Variants in SEPTIN9 observed in about 807,000 individuals in gnomAD.
SEPTIN9 encodes septin 9.
Under a neutral mutation model 56.6 loss-of-function variants are expected in SEPTIN9, and 13 were observed. That is an observed-to-expected ratio of 0.23 (90% CI 0.15 to 0.37). The LOEUF is 0.37. SEPTIN9 is among the 10% of genes least tolerant of loss of function. The pLI is 1.00. For synonymous variants in SEPTIN9, 332 were observed against 334.1 expected, an observed-to-expected ratio of 0.99 and a Z score of 0.07; for missense variants, 650 against 823.1, an observed-to-expected ratio of 0.79 and a Z score of 2.57.
intron 3 of SEPTIN9, among the ~76,000 whole-genome samples, chr17:77,448,663 T>C (rs2037845977): frequency 6.6e-6 from 1 of 152,270 alleles, no homozygotes; most frequent in South Asian, 2.1e-4. Flanking sequence ...GAATATCAAA[T>C]ATCTGTCATT....
intron 3 of SEPTIN9, among the ~76,000 whole-genome samples, chr17:77,411,396 T>C (rs939056000): frequency 1.5e-5 from 2 of 135,856 alleles, no homozygotes; most frequent in South Asian, 2.4e-4. Flanking sequence ...TTTTTCTTTT[T>C]CTTTTTTTTT....
rs747782545 is a variant in SEPTIN9 at position 77,425,075 on chromosome 17, C to T, written c.721+22372C>T. ...GCGTCCTTCATGCAAAGTGGGCAGG[C>T]GGCCAAAGTGAGCTCTGCTCCAGTC... On this transcript the variant is annotated intron_variant, in intron 3 of 11. Transcript: ENST00000427177. The surrounding 1 kb of genome is among the most constrained non-coding windows in gnomAD (Gnocchi z 4.2). Among the ~76,000 whole-genome samples, 7 of 152,190 alleles carry T rather than the reference C, an allele frequency of 4.6e-5. No homozygotes were observed. Among genetic ancestry groups the T allele is most frequent in the Non-Finnish European group, 8.8e-5 (6 of 68,032 alleles).
chr17:77,481,991 G>A, intron 3 of SEPTIN9, 153 bp from the exon 4 acceptor site: 1 of 689,502 alleles, frequency 1.5e-6, no homozygotes, highest in Non-Finnish European at 2.4e-6. Context: ...TCCACCCGGG[G>A]GAATTCTCAG....
intron 2 of SEPTIN9, among the ~76,000 whole-genome samples, chr17:77,337,472 G>C (rs2143739825): frequency 6.6e-6 from 1 of 152,210 alleles, no homozygotes; most frequent in East Asian, 1.9e-4. Flanking sequence ...TTGTTTGTTA[G>C]TTTGTTTCGG....
chr17:77,413,111 TG>T (rs1411180724), intron 3 of SEPTIN9, among the ~76,000 whole-genome samples: 11 of 151,820 alleles, frequency 7.2e-5, no homozygotes, highest in African/African-American at 1.7e-4. Context: ...TGTGTGTGTG[TG>T]TGTGTGTGTG....
intron 1 of SEPTIN9, among the ~76,000 whole-genome samples, chr17:77,295,632 T>C (rs2031776681): frequency 6.6e-6 from 1 of 151,976 alleles, no homozygotes; most frequent in Non-Finnish European, 1.5e-5. Flanking sequence ...GCACAAGAAG[T>C]GGGAGGCACG....
chr17:77,360,604 G>A (rs1387800525), intron 2 of SEPTIN9, among the ~76,000 whole-genome samples: 13 of 149,784 alleles, frequency 8.7e-5, no homozygotes, highest in African/African-American at 2.7e-4. Flanking sequence ...TCGCTCTGTC[G>A]CCCAGGCTGG....
At chr17:77,474,729 G>A (rs1007957641) in intron 3 of SEPTIN9, among the ~76,000 whole-genome samples, 6 of 152,272 alleles carry the variant, frequency 3.9e-5, no homozygotes, top group South Asian at 4.1e-4. Context: ...TGGCTCTACC[G>A]CTTACTCGCT....
chr17:77,465,167 G>A (rs992121645), intron 3 of SEPTIN9, among the ~76,000 whole-genome samples: 2 of 152,208 alleles, frequency 1.3e-5, no homozygotes, highest in Admixed American at 6.5e-5. Context: ...AGCAGGTGCT[G>A]GTGCTTCATT....
At chr17:77,335,908 C>T (rs1295588779) in intron 2 of SEPTIN9, among the ~76,000 whole-genome samples, 5 of 111,994 alleles carry the variant, frequency 4.5e-5, no homozygotes, top group Admixed American at 1.7e-4. Flanking sequence ...ATGTAGGCCC[C>T]GTGTTGACTG....
chr17:77,348,316 T>TA (rs2033953003), intron 2 of SEPTIN9, among the ~76,000 whole-genome samples: 1 of 147,588 alleles, frequency 6.8e-6, no homozygotes, highest in African/African-American at 2.5e-5. Context: ...TTTTTTTTTT[T>TA]AAGACAGAGT....
chr17:77,401,011 G>C (rs1173825746), intron 2 of SEPTIN9, among the ~76,000 whole-genome samples: 2 of 152,144 alleles, frequency 1.3e-5, no homozygotes, highest in Admixed American at 1.3e-4. Flanking sequence ...TTGTAGTAGT[G>C]GATGGGAAGA....
In SEPTIN9 at chr17:77,388,399, TC is replaced by T. The variant is rs540400359; in HGVS notation, c.77-13659del. The stretch of plus-strand genomic sequence containing the variant: ...ACCACCCCCTTTTACCTGTGACTCT[TC>T]TTTGTCAACCTCTTCATGTCTTTGA... On this transcript the variant is annotated intron_variant, in intron 2 of 11. Transcript: ENST00000427177. Among the ~76,000 whole-genome samples the T allele has an allele frequency of 4.6e-3, 695 of 152,294 alleles. 1 individual carries two copies. The highest frequency in any genetic ancestry group is 0.015 in the African/African-American group (631 of 41,548).
At position 77,451,990 on chromosome 17, in the gene SEPTIN9, G is replaced by A. The variant is rs1024464733; in HGVS notation, c.722-30154G>A. Reference sequence around the variant, plus strand: ...CCGAAGACCGGCTGGCTGGAGGCTGGAGATAGTCTCAATGCTCGAAATGCC... The same window carrying A: ...CCGAAGACCGGCTGGCTGGAGGCTGAAGATAGTCTCAATGCTCGAAATGCC... On this transcript the variant is annotated intron_variant, in intron 3 of 11. Transcript: ENST00000427177. This position sits in a 1 kb window ranked among gnomAD's most constrained non-coding sequence, Gnocchi z 4.2. 6.6e-6 allele frequency among the ~76,000 whole-genome samples: 1 copy of A among 152,204 alleles called. No homozygotes were observed. Among genetic ancestry groups the A allele is most frequent in the African/African-American group, 2.4e-5 (1 of 41,434 alleles).
intron 3 of SEPTIN9, among the ~76,000 whole-genome samples, chr17:77,467,387 A>T (rs949709640): frequency 6.6e-6 from 1 of 152,036 alleles, no homozygotes; most frequent in Non-Finnish European, 1.5e-5. Flanking sequence ...CCTGGTCCTT[A>T]CTGTGTCTTC....
chr17:77,440,247 C>T (rs566511467), intron 3 of SEPTIN9, among the ~76,000 whole-genome samples: 11 of 152,216 alleles, frequency 7.2e-5, no homozygotes, highest in African/African-American at 2.4e-4. Context: ...CTCCACCTCT[C>T]GGGTTCAAGC....
Position 77,498,682 on chromosome 17 carries a change from A to T in SEPTIN9, c.*24A>T, listed in dbSNP as rs377037496. The T allele has an allele frequency of 1.4e-4, 185 of 1,359,598 alleles. No individual in the cohort carries two copies. The African/African-American group carries it at 3.0e-3, about 22-fold the overall frequency. 84.2% of individuals were successfully genotyped at this position (1,359,598 alleles called of 1,614,324 possible). The stretch of plus-strand genomic sequence containing the variant: ...AGACGCCACCCTGCCCACCCCCGGG[A>T]TCCTGCCCCCAAGTCATTTCCGTCC... On this transcript the variant is annotated 3_prime_UTR_variant, in exon 12 of 12. Coordinates refer to ENST00000427177, the MANE Select transcript of SEPTIN9 (RefSeq NM_001113491.2).
chr17:77,342,828 T>C (rs781507578), intron 2 of SEPTIN9, among the ~76,000 whole-genome samples: 2 of 152,024 alleles, frequency 1.3e-5, no homozygotes, highest in Non-Finnish European at 2.9e-5. Flanking sequence ...CAAAAAATTA[T>C]CCTGGCGTGG....
At chr17:77,288,353 C>T (rs926096715) in intron 1 of SEPTIN9, 1 of 377,686 alleles carries the variant, frequency 2.6e-6, no homozygotes, top group Non-Finnish European at 3.8e-6. Flanking sequence ...GAGGATGTCC[C>T]TGAATGCCAT....
Sources: gnomAD v4.1 joint callset for allele counts (sites outside exome capture counted in the v4.1 genomes callset) on GRCh38, gnomAD v4.1.1 for gene constraint, Gnocchi (gnomAD v3.1) non-coding constraint, MANE v1.5 for transcripts, NCBI Gene and HGNC (gene_info 2026-07-23, HGNC 2026-07-21) for gene names.